The following ABAT variants were observed in gnomAD, a reference collection of about 807,000 sequenced individuals.
ABAT encodes 4-aminobutyrate aminotransferase, mitochondrial.
ABAT carries 45 observed loss-of-function variants against 64.6 expected under a neutral mutation model. The observed-to-expected ratio is 0.70, with a 90% CI of 0.55 to 0.89. The LOEUF (loss-of-function observed/expected upper bound fraction) is 0.89. ABAT is among the 40% of genes least tolerant of loss of function. The probability of loss-of-function intolerance (pLI) is 0.00; values close to 1 mark genes in which losing one functional copy is unlikely to be tolerated. For missense variants in ABAT, 633 were observed against 658.4 expected (o/e 0.96, Z 0.42); for synonymous variants, 297 against 250.5 (o/e 1.19, Z -1.75).
chr16:8,697,220 A>G (rs1238547530), intron 1 of ABAT, among the ~76,000 whole-genome samples: 1 of 152,196 alleles, frequency 6.6e-6, no homozygotes, highest in African/African-American at 2.4e-5. Context: ...CCAGGCAGGG[A>G]CACAGCAGAT....
rs575717607 is a variant in ABAT, at chr16:8,720,945, C to T, written c.-41-14754C>T. The T allele has an allele frequency of 3.9e-5, 6 of 152,384 alleles. No individual in the cohort carries two copies. The East Asian group carries it at 5.8e-4, about 15-fold the overall frequency. The allele number at this position is 152,384 out of a possible 1,614,324, so 9.4% of individuals were successfully genotyped here. The stretch of plus-strand genomic sequence containing the variant: ...CAGCGGAGTAGAAAGGTGAGTCAGA[C>T]GCCATCTTCATAGGCTGCTTGTTGA... On this transcript the variant is annotated intron_variant, in intron 1 of 15. Transcript: ENST00000268251.
rs1207440161 is a variant in ABAT, at chr16:8,771,464, C to CTTT, written c.817-1315_817-1313dup. Among the ~76,000 whole-genome samples the CTTT allele has an allele frequency of 1.5e-3, 160 of 108,484 alleles. 2 individuals carry two copies. Among genetic ancestry groups the CTTT allele is most frequent in the African/African-American group, 5.0e-3 (155 of 31,060 alleles). The allele number at this position is 108,484 out of a possible 152,430, so 71.2% of individuals were successfully genotyped here. A position where few individuals can be genotyped will look rare whatever the true frequency, so the allele number is the denominator to read the frequency against. On this transcript the variant is annotated intron_variant, in intron 11 of 15. Transcript: ENST00000268251. ...TCTAGGTGTACGGTTTAGGGTTTTT[C>CTTT]TTTCTTTTTTTTTTTTTTTTGAGAC...
At chr16:8,691,006 T>C (rs886420062) in intron 1 of ABAT, among the ~76,000 whole-genome samples, 1 of 152,046 alleles carries the variant, frequency 6.6e-6, no homozygotes, top group African/African-American at 2.4e-5. Flanking sequence ...GAAATAATGT[T>C]GTTTTAGAAT....
intron 1 of ABAT, among the ~76,000 whole-genome samples, chr16:8,681,580 ATAGT>A (rs1440168987): frequency 1.3e-5 from 2 of 150,664 alleles, no homozygotes; most frequent in African/African-American, 2.5e-5. Context: ...CTTTGCAGAA[ATAGT>A]TAGGTTGAAA....
intron 2 of ABAT, chr16:8,737,561 C>T (rs1012090825): frequency 1.3e-5 from 2 of 151,568 alleles, no homozygotes; most frequent in Non-Finnish European, 2.9e-5. Context: ...CAGGGAGAAC[C>T]CATATGGCCC....
At position 8,764,132 on chromosome 16, in the gene ABAT, C is replaced by A. The variant is rs993935082; in HGVS notation, c.430C>A (p.Arg144=). ...TCCGGAGAACTTTGTGGAGAAGCTCCGGCAGTCCTTGCTCTCGGTGAGTTC... is the reference window on the plus strand; with the variant it reads ...TCCGGAGAACTTTGTGGAGAAGCTCAGGCAGTCCTTGCTCTCGGTGAGTTC... The part of the protein sequence containing the change: ...LPPENFVEKL[R]QSLLSVAPKG... Residue 144 remains arginine, a synonymous_variant, in exon 7 of 16, where the codon CGG becomes AGG. Coordinates refer to ENST00000268251, the MANE Select transcript of ABAT (RefSeq NM_020686.6). This position sits in a 1 kb window ranked among gnomAD's most constrained non-coding sequence, Gnocchi z 4.2. 1.2e-6 allele frequency: 2 copies of A among 1,613,334 alleles called. No homozygotes were observed. The highest frequency in any genetic ancestry group is 1.7e-6 in the Non-Finnish European group (2 of 1,179,978).
intron 1 of ABAT, among the ~76,000 whole-genome samples, chr16:8,720,359 T>TC (rs1433570667): frequency 6.6e-6 from 1 of 152,244 alleles, no homozygotes; most frequent in Non-Finnish European, 1.5e-5. Context: ...CTTGTTACTT[T>TC]CCCCACATCA....
At chr16:8,745,559 T>TGGTGG (rs1416438948) in intron 2 of ABAT, among the ~76,000 whole-genome samples, 3 of 151,824 alleles carry the variant, frequency 2.0e-5, no homozygotes, top group South Asian at 4.2e-4. Flanking sequence ...TAGCCAGGCA[T>TGGTGG]GGTGGTGCGT....
intron 14 of ABAT, among the ~76,000 whole-genome samples, chr16:8,777,529 G>T (rs2060302167): frequency 6.6e-6 from 1 of 152,132 alleles, no homozygotes; most frequent in Non-Finnish European, 1.5e-5. Flanking sequence ...TCTAACACTT[G>T]ATTAAGAGCT....
At chr16:8,698,856 G>C (rs896324609) in intron 1 of ABAT, among the ~76,000 whole-genome samples, 1 of 152,144 alleles carries the variant, frequency 6.6e-6, no homozygotes, top group Non-Finnish European at 1.5e-5. Context: ...TGAGGCACAA[G>C]AATCACTTGA....
chr16:8,756,648 T>A (rs1351477571), intron 5 of ABAT, among the ~76,000 whole-genome samples: 1 of 152,232 alleles, frequency 6.6e-6, no homozygotes, highest in Non-Finnish European at 1.5e-5. Flanking sequence ...GTGTCTCTCC[T>A]TCTTCACTTA....
intron 1 of ABAT, among the ~76,000 whole-genome samples, chr16:8,694,879 C>A (rs2057666975): frequency 6.6e-6 from 1 of 152,212 alleles, no homozygotes; most frequent in African/African-American, 2.4e-5. Context: ...AGGCAGGCCG[C>A]CGCATCCTAA....
At chr16:8,731,863 T>A (rs1016585712) in intron 1 of ABAT, among the ~76,000 whole-genome samples, 1 of 152,096 alleles carries the variant, frequency 6.6e-6, no homozygotes, top group African/African-American at 2.4e-5. Flanking sequence ...TTCTCTTTTT[T>A]TCCTCCTTGA....
At chr16:8,743,007 TAAAAAAA>T (rs71152928) in intron 2 of ABAT, among the ~76,000 whole-genome samples, 1 of 124,250 alleles carries the variant, frequency 8.0e-6, no homozygotes, top group Non-Finnish European at 1.6e-5. Flanking sequence ...CTCATTTCTT[TAAAAAAA>T]AAAAAAAAAA....
intron 4 of ABAT, among the ~76,000 whole-genome samples, chr16:8,748,784 T>C (rs952555709): frequency 1.3e-5 from 2 of 152,330 alleles, no homozygotes; most frequent in East Asian, 3.9e-4. Context: ...TCTTTCTCTC[T>C]AGTAATATTT....
At chr16:8,694,074 G>C (rs1370506960) in intron 1 of ABAT, among the ~76,000 whole-genome samples, 4 of 151,884 alleles carry the variant, frequency 2.6e-5, no homozygotes, top group African/African-American at 7.3e-5. Context: ...CTGTCACCCA[G>C]GCTGGAGTAC....
At chr16:8,735,244 T>G (rs967605556) in intron 1 of ABAT, among the ~76,000 whole-genome samples, 7 of 151,446 alleles carry the variant, frequency 4.6e-5, no homozygotes, top group African/African-American at 1.7e-4. Context: ...TGGTTTTTTT[T>G]GTTTTGTTTT....
chr16:8,714,077 G>T lies in ABAT; in HGVS notation c.-41-21622G>T, dbSNP rs555362441. ...GTAGGACACACAAATGTACTTAACA[G>T]ATTTTTCAAGGACACTTTGTGAACA... On this transcript the variant is annotated intron_variant, in intron 1 of 15. Coordinates refer to ENST00000268251, the MANE Select transcript of ABAT (RefSeq NM_020686.6). Among the ~76,000 whole-genome samples the T allele has an allele frequency of 1.2e-3, 190 of 152,302 alleles. 1 individual carries two copies. Among genetic ancestry groups the T allele is most frequent in the Non-Finnish European group, 2.5e-3 (169 of 68,018 alleles).
chr16:8,675,018 C>A (rs953670052), intron 1 of ABAT, among the ~76,000 whole-genome samples: 5 of 152,142 alleles, frequency 3.3e-5, no homozygotes, highest in Admixed American at 3.3e-4. Context: ...GTCTCTAGAG[C>A]CCCCTCACCT....
Sources: allele counts gnomAD v4.1 joint callset (sites outside exome capture counted in the v4.1 genomes callset), GRCh38; gene constraint gnomAD v4.1.1; non-coding constraint Gnocchi (gnomAD v3.1); transcripts MANE v1.5; gene names NCBI Gene and HGNC (gene_info 2026-07-23, HGNC 2026-07-21).